Variants in BMP2K observed in about 807,000 individuals in gnomAD.
BMP2K encodes the protein BMP2 inducible kinase.
BMP2K carries 74 observed loss-of-function variants against 116.0 expected under a neutral mutation model. The observed-to-expected ratio is 0.64, with a 90% confidence interval of 0.53 to 0.77. The LOEUF is 0.77. BMP2K is among the 30% of genes least tolerant of loss of function. The pLI is 0.00. For synonymous variants in BMP2K, 486 were observed against 502.5 expected, an observed-to-expected ratio of 0.97 and a Z score of 0.44; for missense variants, 1,365 against 1,403.6, an observed-to-expected ratio of 0.97 and a Z score of 0.44.
chr4:78,793,514 G>A (rs1728109616), intron 1 of BMP2K, among the ~76,000 whole-genome samples: 1 of 151,730 alleles, frequency 6.6e-6, no homozygotes, highest in Middle Eastern at 3.2e-3. Flanking sequence ...AATATAATAT[G>A]GATTTATATA....
At chr4:78,860,427 A>G (rs958623886) in intron 8 of BMP2K, among the ~76,000 whole-genome samples, 2 of 151,904 alleles carry the variant, frequency 1.3e-5, no homozygotes, top group Non-Finnish European at 2.9e-5. Flanking sequence ...TTGGTAAGTT[A>G]CTTTAATGTC....
At chr4:78,887,086 A>C in intron 14 of BMP2K, 88 bp from the exon 15 acceptor site, 1 of 925,682 alleles carries the variant, frequency 1.1e-6, no homozygotes, top group Non-Finnish European at 1.6e-6. Context: ...TTTAATTTTC[A>C]CTTTTATTTA....
chr4:78,826,957 A>G (rs1295087173), intron 2 of BMP2K, among the ~76,000 whole-genome samples: 1 of 152,210 alleles, frequency 6.6e-6, no homozygotes. Context: ...TACCCTGAAG[A>G]TATGAGTTTG....
At chr4:78,816,232 G>T (rs1353559305) in intron 1 of BMP2K, among the ~76,000 whole-genome samples, 1 of 152,038 alleles carries the variant, frequency 6.6e-6, no homozygotes, top group Non-Finnish European at 1.5e-5. Flanking sequence ...CATAGGCGAT[G>T]CTGTTTACTT....
intron 1 of BMP2K, among the ~76,000 whole-genome samples, chr4:78,790,305 CA>C (rs1560500430): frequency 6.6e-6 from 1 of 152,018 alleles, no homozygotes; most frequent in African/African-American, 2.4e-5. Context: ...GTATAAAACT[CA>C]AAAGGATATT....
rs115867572 is a variant in BMP2K at position 78,909,684 on chromosome 4, C to T, written c.2063-926C>T. Reference sequence around the variant, plus strand: ...CATTGTTCAATCCTAACTGTCGTCTCCTTAGGGAGGTCTTCACCACTGTCC... The same window carrying T: ...CATTGTTCAATCCTAACTGTCGTCTTCTTAGGGAGGTCTTCACCACTGTCC... On this transcript the variant is annotated intron_variant, in intron 15 of 15. Transcript: ENST00000502613. Among the ~76,000 whole-genome samples the T allele has an allele frequency of 7.8e-3, 1,194 of 152,276 alleles. 23 individuals carry two copies. Among genetic ancestry groups the T allele is most frequent in the African/African-American group, 0.026 (1,098 of 41,538 alleles).
At position 78,826,146 on chromosome 4, in the gene BMP2K, T is replaced by G. The variant is rs760656522; in HGVS notation, c.288T>G (p.Ile96Met). The change falls in exon 2 of 16, where the codon ATT (isoleucine) becomes ATG (methionine). Residue 96 changes from isoleucine (I) to methionine (M), a missense_variant. This residue lies in a region of BMP2K where 762 missense variants were observed against 756.7 expected (regional missense o/e 1.01). Transcript: ENST00000502613. ...ACCTCAATGTTTGTAAAAGGGAAAT[T>G]ACAATTATGGTAAGTGAAGGAGTAG... ...MPDLNVCKRE[I>M]TIMKELSGHK... 6.2e-7 allele frequency: 1 copy of G among 1,609,614 alleles called. No individual in the cohort carries two copies. Among genetic ancestry groups the G allele is most frequent in the Non-Finnish European group, 8.5e-7 (1 of 1,176,198 alleles).
intron 1 of BMP2K, among the ~76,000 whole-genome samples, chr4:78,818,915 G>A (rs529055065): frequency 6.6e-5 from 10 of 150,986 alleles, no homozygotes. Context: ...TTGTGCTTCC[G>A]CCTCCTGAGT....
At chr4:78,795,585 A>G (rs1578473131) in intron 1 of BMP2K, among the ~76,000 whole-genome samples, 1 of 152,152 alleles carries the variant, frequency 6.6e-6, no homozygotes, top group Non-Finnish European at 1.5e-5. Flanking sequence ...AGAAACTACC[A>G]TCAGAGTGAA....
At chr4:78,835,331 A>C (rs1367034042) in intron 3 of BMP2K, among the ~76,000 whole-genome samples, 1 of 152,120 alleles carries the variant, frequency 6.6e-6, no homozygotes, top group African/African-American at 2.4e-5. Flanking sequence ...ATGGTTTAAA[A>C]AGTCAAATAG....
rs188572585 is a variant in BMP2K, at chr4:78,784,130, T to C, written c.178+7409T>C. Among the ~76,000 whole-genome samples, 7 of 152,304 alleles carry C rather than the reference T, an allele frequency of 4.6e-5. No individual in the cohort carries two copies. The East Asian group carries it at 1.4e-3, about 29-fold the overall frequency. On this transcript the variant is annotated intron_variant, in intron 1 of 15. Coordinates refer to ENST00000502613, the MANE Select transcript of BMP2K (RefSeq NM_198892.2). ...GGGTCTTATATAGTGTTCTTTCTGA[T>C]CTTGTATATTATCTTGGTTTTCTTT... is the stretch of plus-strand genomic sequence containing the variant.
chr4:78,878,869 A>G lies in BMP2K; in HGVS notation c.1929A>G (p.Arg643=). Residue 643 remains arginine, a synonymous_variant, in exon 14 of 16, where the codon AGA becomes AGG. Transcript: ENST00000502613. Reference sequence around the variant, plus strand: ...TAACAGAAGAGGAACTATTGGACAGAGAATTTGACCTTCTAAGATCAAGTA... The same window carrying G: ...TAACAGAAGAGGAACTATTGGACAGGGAATTTGACCTTCTAAGATCAAGTA... ...SKLTEEELLD[R]EFDLLRSNRL... 1 of 1,612,538 alleles carries G rather than the reference A, an allele frequency of 6.2e-7. No homozygotes were observed. The highest frequency in any genetic ancestry group is 1.3e-5 in the African/African-American group (1 of 74,948).
chr4:78,785,374 A>G (rs141696142), intron 1 of BMP2K, among the ~76,000 whole-genome samples: 1,614 of 152,284 alleles, frequency 0.011, 12 homozygotes, highest in Non-Finnish European at 0.018. Flanking sequence ...GGCTTCCCAA[A>G]GTGCTGGGAT....
chr4:78,780,954 A>C (rs1206832811), intron 1 of BMP2K, among the ~76,000 whole-genome samples: 5 of 152,206 alleles, frequency 3.3e-5, no homozygotes, highest in Admixed American at 1.3e-4. Flanking sequence ...AGGATGAAGA[A>C]AGTTAGGTAA....
intron 14 of BMP2K, among the ~76,000 whole-genome samples, chr4:78,883,271 A>G (rs1732943550): frequency 6.6e-6 from 1 of 152,142 alleles, no homozygotes; most frequent in African/African-American, 2.4e-5. Flanking sequence ...AGGGTTGACT[A>G]TGTATTTACA....
At chr4:78,828,936 A>G (rs902948937) in intron 2 of BMP2K, among the ~76,000 whole-genome samples, 3 of 152,134 alleles carry the variant, frequency 2.0e-5, no homozygotes, top group Non-Finnish European at 2.9e-5. Context: ...TAACCCATTT[A>G]TGCTGGAGGT....
intron 9 of BMP2K, among the ~76,000 whole-genome samples, chr4:78,861,843 A>G (rs1011079061): frequency 6.6e-6 from 1 of 151,968 alleles, no homozygotes; most frequent in African/African-American, 2.4e-5. Flanking sequence ...AATAGCTCCT[A>G]CAGGTAACTA....
chr4:78,844,969 T>C lies in BMP2K; in HGVS notation c.588T>C (p.Leu196=). 6.2e-7 allele frequency: 1 copy of C among 1,600,768 alleles called. No individual in the cohort carries two copies. The highest frequency in any genetic ancestry group is 8.6e-7 in the Non-Finnish European group (1 of 1,169,218). Residue 196 remains leucine (L), a synonymous_variant, in exon 5 of 16, where the codon CTT becomes CTC. Coordinates refer to ENST00000502613, the MANE Select transcript of BMP2K (RefSeq NM_198892.2). The part of the protein sequence containing the change: ...ILLNDGGNYV[L]CDFGSATNKF... The stretch of plus-strand genomic sequence containing the variant: ...TGAATGATGGTGGGAACTATGTACT[T>C]TGTGACTTTGGCAGTGCCACTAATA...
chr4:78,912,111 G>C lies in BMP2K; in HGVS notation c.*78G>C, dbSNP rs1243003620. 21 of 1,334,638 alleles carry C rather than the reference G, an allele frequency of 1.6e-5. No individual in the cohort carries two copies. Among genetic ancestry groups the C allele is most frequent in the Non-Finnish European group, 2.2e-5 (21 of 964,296 alleles). The allele number at this position is 1,334,638 out of a possible 1,614,324, so 82.7% of individuals were successfully genotyped here. On this transcript the variant is annotated 3_prime_UTR_variant, in exon 16 of 16. Transcript: ENST00000502613. ...GTTTTATGAATTTGAAAGAAAATTT[G>C]GTAGCTCTTTATAGCATTCATTCTT...
Sources: gnomAD v4.1 joint callset for allele counts (sites outside exome capture counted in the v4.1 genomes callset) on GRCh38, gnomAD v4.1.1 for gene constraint, gnomAD v4.1.1 regional missense constraint, MANE v1.5 for transcripts, NCBI Gene and HGNC (gene_info 2026-07-23, HGNC 2026-07-21) for gene names.